VAT1L: variants seen among roughly 807,000 people sequenced by gnomAD.
The protein encoded by VAT1L is vesicle amine transport 1 like.
In VAT1L, 34 loss-of-function variants were observed where a neutral mutation model predicts 44.1. That is an observed-to-expected ratio of 0.77 (90% CI 0.59 to 1.03). VAT1L has a LOEUF of 1.03. VAT1L is among the 50% of genes least tolerant of loss of function. The pLI, the probability that VAT1L is intolerant of heterozygous loss-of-function variation, is 0.00. For synonymous variants in VAT1L, 253 were observed against 202.2 expected, an observed-to-expected ratio of 1.25 and a Z score of -2.13; for missense variants, 615 against 538.8, an observed-to-expected ratio of 1.14 and a Z score of -1.40.
intron 3 of VAT1L, among the ~76,000 whole-genome samples, chr16:77,857,096 G>A (rs984189978): frequency 6.6e-6 from 1 of 152,194 alleles, no homozygotes; most frequent in South Asian, 2.1e-4. Flanking sequence ...GGGAAGAGAA[G>A]GGCAGATGTG....
intron 1 of VAT1L, among the ~76,000 whole-genome samples, chr16:77,799,543 GT>G (rs2016006718): frequency 3.3e-5 from 3 of 92,100 alleles, no homozygotes; most frequent in African/African-American, 9.9e-5. Context: ...GTGTGTGTGT[GT>G]GTGTGTGTGT....
At chr16:77,795,795 C>T (rs1196719015) in intron 1 of VAT1L, among the ~76,000 whole-genome samples, 2 of 143,166 alleles carry the variant, frequency 1.4e-5, no homozygotes, top group African/African-American at 5.1e-5. Context: ...CAGCAAGTCG[C>T]TTAGCTCCCT....
chr16:77,824,208 T>C (rs917706784), intron 2 of VAT1L, among the ~76,000 whole-genome samples: 3 of 152,132 alleles, frequency 2.0e-5, no homozygotes, highest in South Asian at 2.1e-4. Flanking sequence ...ATTGTTTTGC[T>C]ACCTTCCTTA....
chr16:77,826,067 C>A (rs1259888854), intron 3 of VAT1L, among the ~76,000 whole-genome samples: 1 of 137,202 alleles, frequency 7.3e-6, no homozygotes. Context: ...ATTAGCCGGG[C>A]GTAGTGGCGG....
chr16:77,801,147 G>C (rs1478397926), intron 1 of VAT1L: 1 of 151,966 alleles, frequency 6.6e-6, no homozygotes, highest in African/African-American at 2.4e-5. Flanking sequence ...GCCTTTTTTG[G>C]GTACTTTCCA....
intron 7 of VAT1L, among the ~76,000 whole-genome samples, chr16:77,963,397 T>G (rs1049927061): frequency 2.0e-5 from 3 of 152,054 alleles, no homozygotes; most frequent in Admixed American, 6.6e-5. Flanking sequence ...AAGGGCTTCT[T>G]CTAAAGACGG....
intron 7 of VAT1L, among the ~76,000 whole-genome samples, chr16:77,966,523 T>C (rs4888702): frequency 0.23 from 35,108 of 151,968 alleles, 4,530 homozygotes; most frequent in South Asian, 0.32. Context: ...GAGTGTGTGA[T>C]GAAAGGTGAA....
intron 1 of VAT1L, among the ~76,000 whole-genome samples, chr16:77,807,647 A>G (rs903552651): frequency 2.6e-5 from 4 of 152,118 alleles, no homozygotes; most frequent in Admixed American, 2.6e-4. Flanking sequence ...AACCTGACCT[A>G]TGGCATTTTC....
chr16:77,792,056 C>T (rs1352540180), intron 1 of VAT1L, among the ~76,000 whole-genome samples: 1 of 152,132 alleles, frequency 6.6e-6, no homozygotes, highest in Non-Finnish European at 1.5e-5. Flanking sequence ...GTCTCAGTGT[C>T]TCCAAACTTC....
At chr16:77,881,697 T>C (rs1464349130) in intron 6 of VAT1L, among the ~76,000 whole-genome samples, 1 of 152,238 alleles carries the variant, frequency 6.6e-6, no homozygotes, top group Non-Finnish European at 1.5e-5. Flanking sequence ...CTTTAAAATA[T>C]GGGTCAAGGA....
intron 3 of VAT1L, among the ~76,000 whole-genome samples, chr16:77,853,370 A>C (rs531242789): frequency 6.6e-6 from 1 of 152,342 alleles, no homozygotes; most frequent in East Asian, 1.9e-4. Flanking sequence ...TAATTGAGCA[A>C]ATTAGAAGGA....
At chr16:77,800,244 G>A (rs890505907) in intron 1 of VAT1L, 2 of 152,138 alleles carry the variant, frequency 1.3e-5, no homozygotes, top group Non-Finnish European at 2.9e-5. Context: ...GAGTTCTCAC[G>A]ATGCTCTGTA....
chr16:77,973,529 C>T (rs947252933), intron 8 of VAT1L, among the ~76,000 whole-genome samples: 3 of 152,172 alleles, frequency 2.0e-5, no homozygotes, highest in South Asian at 2.1e-4. Flanking sequence ...ATGATACGCC[C>T]GCCTCAGCCT....
chr16:77,796,788 T>G (rs2015941770), intron 1 of VAT1L, among the ~76,000 whole-genome samples: 4 of 152,236 alleles, frequency 2.6e-5, no homozygotes, highest in Admixed American at 2.6e-4. Flanking sequence ...AGTAGGATGC[T>G]GGCTTTTCTA....
chr16:77,843,691 A>AC (rs1288410814), intron 3 of VAT1L, among the ~76,000 whole-genome samples: 4 of 151,886 alleles, frequency 2.6e-5, no homozygotes, highest in Admixed American at 6.6e-5. Context: ...GCAGACCTGG[A>AC]CCCCCCTTCA....
chr16:77,789,517 G>A (rs1476398488), intron 1 of VAT1L, among the ~76,000 whole-genome samples: 1 of 152,114 alleles, frequency 6.6e-6, no homozygotes, highest in Non-Finnish European at 1.5e-5. Flanking sequence ...GAAGGGCCTG[G>A]GACAGGGTGC....
At position 77,952,177 on chromosome 16, in the gene VAT1L, A is replaced by C. The variant is rs74709482; in HGVS notation, c.1078-19673A>C. On this transcript the variant is annotated intron_variant, in intron 7 of 8. Coordinates refer to ENST00000302536, the MANE Select transcript of VAT1L (RefSeq NM_020927.3). ...GACATTCCTGGGTTGTAGAAGATTT[A>C]TGTCTTAAAGGAGCAAAAATAATTT... Among the ~76,000 whole-genome samples, 566 of 152,340 alleles carry C rather than the reference A, an allele frequency of 3.7e-3. 4 individuals carry two copies. The highest frequency in any genetic ancestry group is 0.013 in the African/African-American group (520 of 41,584).
intron 3 of VAT1L, among the ~76,000 whole-genome samples, chr16:77,837,597 A>G (rs2016653433): frequency 6.6e-6 from 1 of 152,182 alleles, no homozygotes; most frequent in South Asian, 2.1e-4. Context: ...AAGAAGACAG[A>G]AAAGGGCCAA....
chr16:77,912,444 G>T (rs1298311032), intron 7 of VAT1L, among the ~76,000 whole-genome samples: 4 of 151,858 alleles, frequency 2.6e-5, no homozygotes, highest in Non-Finnish European at 5.9e-5. Context: ...AGTCTACCTT[G>T]TTTTTTTTCT....
Sources: allele counts gnomAD v4.1 joint callset (sites outside exome capture counted in the v4.1 genomes callset), GRCh38; gene constraint gnomAD v4.1.1; transcripts MANE v1.5; gene names NCBI Gene and HGNC (gene_info 2026-07-23, HGNC 2026-07-21).